Variants in RASAL2 observed in about 807,000 individuals in gnomAD.
The protein encoded by RASAL2 is ras GTPase-activating protein nGAP.
RASAL2 carries 58 observed loss-of-function variants against 128.9 expected under a neutral mutation model. That is an observed-to-expected ratio of 0.45 (90% CI 0.36 to 0.56). RASAL2 has a LOEUF of 0.56. Ranked by LOEUF, RASAL2 falls within the 20% of genes least tolerant of loss-of-function variation. RASAL2 has a pLI of 0.00. For synonymous variants in RASAL2, 561 were observed against 580.8 expected, an observed-to-expected ratio of 0.97 and a Z score of 0.49; for missense variants, 1,360 against 1,601.6, an observed-to-expected ratio of 0.85 and a Z score of 2.57.
chr1:178,395,068 G>A (rs1218349748), intron 4 of RASAL2, among the ~76,000 whole-genome samples: 1 of 152,082 alleles, frequency 6.6e-6, no homozygotes, highest in Admixed American at 6.5e-5. Context: ...AAAGCTTCAC[G>A]TCCACTATTT....
intron 4 of RASAL2, among the ~76,000 whole-genome samples, chr1:178,408,612 G>GTTTTTTTTTTTTTTTTTTTTTTTTTTTTT (rs756656921): frequency 2.1e-5 from 3 of 142,474 alleles, no homozygotes; most frequent in African/African-American, 8.6e-5. Context: ...GTTTTTTTTT[G>GTTTTTTTTTTTTTTTTTTTTTTTTTTTTT]TTTTTTGTTT....
chr1:178,371,619 A>G (rs1017153804), intron 3 of RASAL2, among the ~76,000 whole-genome samples: 2 of 152,114 alleles, frequency 1.3e-5, no homozygotes, highest in Non-Finnish European at 2.9e-5. Context: ...AGATTTATCA[A>G]CCTGCCTTTT....
intron 3 of RASAL2, among the ~76,000 whole-genome samples, chr1:178,369,094 A>C (rs892544038): frequency 1.9e-4 from 29 of 152,320 alleles, no homozygotes; most frequent in African/African-American, 6.7e-4. Context: ...AGAGGAAAAC[A>C]GTGTAATGCC....
At chr1:178,270,240 C>T (rs527488130) in intron 1 of RASAL2, among the ~76,000 whole-genome samples, 90 of 152,034 alleles carry the variant, frequency 5.9e-4, no homozygotes, top group African/African-American at 2.0e-3. Context: ...ACTCGGGTTT[C>T]GATCTAGAAA....
intron 1 of RASAL2, among the ~76,000 whole-genome samples, chr1:178,186,405 T>C (rs1335740661): frequency 6.6e-6 from 1 of 152,176 alleles, no homozygotes; most frequent in Non-Finnish European, 1.5e-5. Flanking sequence ...TTTTTTTTAC[T>C]TCTGCTTACA....
intron 1 of RASAL2, chr1:178,121,014 T>C (rs1419990259): frequency 6.6e-6 from 1 of 152,248 alleles, no homozygotes; most frequent in African/African-American, 2.4e-5. Flanking sequence ...ACCCCTGTTT[T>C]AGAGAATCAG....
At chr1:178,453,763 A>G (rs1026573812) in intron 11 of RASAL2, among the ~76,000 whole-genome samples, 4 of 152,154 alleles carry the variant, frequency 2.6e-5, no homozygotes, top group African/African-American at 9.6e-5. Context: ...TTTACTCAGT[A>G]TTGATGCTTA....
chr1:178,163,640 G>A (rs1024214047), intron 1 of RASAL2, among the ~76,000 whole-genome samples: 2 of 152,064 alleles, frequency 1.3e-5, no homozygotes, highest in East Asian at 1.9e-4. Context: ...TATGATCTGT[G>A]TGTCTATCCT....
intron 1 of RASAL2, among the ~76,000 whole-genome samples, chr1:178,142,547 A>G (rs938159714): frequency 2.6e-5 from 4 of 152,142 alleles, no homozygotes; most frequent in East Asian, 3.9e-4. Context: ...AGAGTTTCGG[A>G]TTCTTAGTAA....
At chr1:178,320,737 A>G (rs377119364) in intron 3 of RASAL2, among the ~76,000 whole-genome samples, 1 of 152,344 alleles carries the variant, frequency 6.6e-6, no homozygotes, top group South Asian at 2.1e-4. Context: ...ATGGAAATGC[A>G]GAAATCACCC....
intron 2 of RASAL2, among the ~76,000 whole-genome samples, chr1:178,294,101 G>C (rs115471898): frequency 5.4e-4 from 82 of 152,362 alleles, no homozygotes; most frequent in Admixed American, 1.2e-3. Context: ...CACACAGACA[G>C]AGACAGTGGC....
intron 10 of RASAL2, 79 bp downstream of exon 10, chr1:178,451,794 A>G (rs1472893890): frequency 6.8e-7 from 1 of 1,477,530 alleles, no homozygotes; most frequent in Non-Finnish European, 9.1e-7. Context: ...TTCATGTAAA[A>G]GTCATCACAA....
chr1:178,148,491 C>T (rs1215169093), intron 1 of RASAL2, among the ~76,000 whole-genome samples: 1 of 151,634 alleles, frequency 6.6e-6, no homozygotes, highest in African/African-American at 2.4e-5. Context: ...CTTTGTCAGC[C>T]AGGCTAGAGT....
chr1:178,452,708 C>T (rs1677467868), intron 11 of RASAL2, 56 bp downstream of exon 11: 10 of 1,448,520 alleles, frequency 6.9e-6, no homozygotes, highest in Non-Finnish European at 9.6e-6. Flanking sequence ...TACTTGAGGC[C>T]TAAAATTTGG....
intron 1 of RASAL2, among the ~76,000 whole-genome samples, chr1:178,174,236 A>G (rs1260005940): frequency 2.0e-5 from 3 of 152,024 alleles, no homozygotes; most frequent in East Asian, 3.9e-4. Context: ...TTTAGGTCTT[A>G]TAGCTCTTTT....
chr1:178,193,832 A>G (rs1263900355), intron 1 of RASAL2, among the ~76,000 whole-genome samples: 1 of 152,214 alleles, frequency 6.6e-6, no homozygotes, highest in African/African-American at 2.4e-5. Flanking sequence ...ACTATAATGT[A>G]TGAAATAGCT....
At chr1:178,265,552 C>T (rs1260803561) in intron 1 of RASAL2, among the ~76,000 whole-genome samples, 1 of 152,160 alleles carries the variant, frequency 6.6e-6, no homozygotes, top group Non-Finnish European at 1.5e-5. Flanking sequence ...TTTTTATAGT[C>T]CCTATTCATA....
chr1:178,235,367 A>G (rs1051173186), intron 1 of RASAL2, among the ~76,000 whole-genome samples: 1 of 152,172 alleles, frequency 6.6e-6, no homozygotes, highest in Non-Finnish European at 1.5e-5. Flanking sequence ...GACTGTCTAC[A>G]ATGTGTGAGG....
intron 1 of RASAL2, among the ~76,000 whole-genome samples, chr1:178,208,952 G>C (rs572796721): frequency 6.6e-6 from 1 of 151,898 alleles, no homozygotes; most frequent in Non-Finnish European, 1.5e-5. Flanking sequence ...TTGGGGGCAG[G>C]TTCCTCTGAT....
Sources: allele counts gnomAD v4.1 joint callset (sites outside exome capture counted in the v4.1 genomes callset), GRCh38; gene constraint gnomAD v4.1.1; transcripts MANE v1.5; gene names NCBI Gene and HGNC (gene_info 2026-07-23, HGNC 2026-07-21).